Variants in RSPH14 observed in about 807,000 individuals in gnomAD.
The protein encoded by RSPH14 is rhabdoid tumor deletion region gene 1.
Under a neutral mutation model 26.7 loss-of-function variants are expected in RSPH14, and 20 were observed. The ratio of observed to expected loss-of-function variants is 0.75; its 90% CI spans 0.53 to 1.09. RSPH14 has a LOEUF of 1.09. RSPH14 is among the 50% of genes least tolerant of loss of function. The pLI, the probability that RSPH14 is intolerant of heterozygous loss-of-function variation, is 0.00. For synonymous variants in RSPH14, 177 were observed against 189.3 expected (o/e 0.93, Z 0.53); for missense variants, 449 against 457.2 (o/e 0.98, Z 0.16).
At chr22:23,149,578 C>CA (rs1175546396), upstream of RSPH14, among the ~76,000 whole-genome samples, 6 of 152,232 alleles carry the variant, frequency 3.9e-5, no homozygotes, top group Non-Finnish European at 7.3e-5. Flanking sequence ...CACTCTGTCA[C>CA]CCAAGTTGGA....
At chr22:23,161,128 T>G in the RSPH14 span, 4 of 1,165,422 alleles carry the variant, frequency 3.4e-6, no homozygotes, top group Admixed American at 1.1e-4. Context: ...TTGACCCTCC[T>G]CTCAGGGTGT....
At chr22:23,117,307 C>T (rs944443695) in intron 4 of RSPH14, among the ~76,000 whole-genome samples, 1 of 152,156 alleles carries the variant, frequency 6.6e-6, no homozygotes, top group East Asian at 1.9e-4. Context: ...TGGCTGCAGG[C>T]GGGATGGAAA....
At chr22:23,136,144 T>A in intron 3 of RSPH14, 1 of 651,940 alleles carries the variant, frequency 1.5e-6, no homozygotes, top group Non-Finnish European at 2.8e-6. Context: ...ATGTCTCTCA[T>A]GCTTTGATAG....
At chr22:23,165,531 C>T in the RSPH14 span, among the ~76,000 whole-genome samples, 132 of 152,328 alleles carry the variant, frequency 8.7e-4, 1 homozygote, top group African/African-American at 3.1e-3. Context: ...CACTTCATGC[C>T]AGCTAGAGAG....
intron 4 of RSPH14, among the ~76,000 whole-genome samples, chr22:23,104,293 C>T (rs936107762): frequency 3.3e-5 from 5 of 152,148 alleles, no homozygotes; most frequent in African/African-American, 1.2e-4. Flanking sequence ...GGGTGGGTGT[C>T]GCTGCCTGAG....
At chr22:23,146,911 T>A (rs2070809858), upstream of RSPH14, among the ~76,000 whole-genome samples, 1 of 152,142 alleles carries the variant, frequency 6.6e-6, no homozygotes, top group South Asian at 2.1e-4. Context: ...AGGGCTGGGA[T>A]TTTGCAGCCA....
At chr22:23,109,287 G>A (rs549949518) in intron 4 of RSPH14, among the ~76,000 whole-genome samples, 70 of 150,624 alleles carry the variant, frequency 4.6e-4, no homozygotes, top group African/African-American at 1.3e-3. Flanking sequence ...CCAAAGCCAC[G>A]GAGCCAGCCC....
In RSPH14 at chr22:23,136,152, T is replaced by G. The variant is rs933636115; in HGVS notation, c.303-2008A>C. 5 of 657,730 alleles carry G rather than the reference T, an allele frequency of 7.6e-6. No individual in the cohort carries two copies. In the African/African-American group the frequency reaches 9.0e-5, roughly 12 times the overall value. The allele number at this position is 657,730 out of a possible 1,614,324, so 40.7% of individuals were successfully genotyped here. A position where few individuals can be genotyped will look rare whatever the true frequency, so the allele number is the denominator to read the frequency against. ...CCACTCCATGTCTCTCATGCTTTGA[T>G]AGTCAGTTGTGTTTGCCTGTGTGCC... On this transcript the variant is annotated intron_variant, in intron 3 of 6. Coordinates refer to ENST00000216036, the MANE Select transcript of RSPH14 (RefSeq NM_014433.3).
At chr22:23,151,673 G>A in the RSPH14 span, among the ~76,000 whole-genome samples, 3 of 152,194 alleles carry the variant, frequency 2.0e-5, no homozygotes, top group Non-Finnish European at 4.4e-5. Context: ...CTCGAGCCAA[G>A]GAGTTTGAGA....
chr22:23,131,825 C>T (rs947645163), intron 4 of RSPH14: 24 of 427,414 alleles, frequency 5.6e-5, no homozygotes, highest in Admixed American at 3.6e-4. Context: ...AGGGCCCCAC[C>T]CCCAGAGACT....
intron 4 of RSPH14, among the ~76,000 whole-genome samples, chr22:23,107,460 G>A (rs1601814418): frequency 2.0e-5 from 3 of 152,302 alleles, no homozygotes; most frequent in Admixed American, 2.0e-4. Context: ...TGAAAACCCA[G>A]GGCCTGAGAG....
intron 4 of RSPH14, among the ~76,000 whole-genome samples, chr22:23,087,441 TTAAAA>T (rs1215689619): frequency 2.0e-5 from 3 of 151,958 alleles, no homozygotes; most frequent in African/African-American, 4.8e-5. Flanking sequence ...TGGGTGACAG[TTAAAA>T]TAAGATAAAA....
At chr22:23,125,979 C>T (rs575811029) in intron 4 of RSPH14, among the ~76,000 whole-genome samples, 6 of 152,170 alleles carry the variant, frequency 3.9e-5, no homozygotes, top group African/African-American at 1.2e-4. Flanking sequence ...GGTGCTGTCA[C>T]CGCCCCATCC....
chr22:23,081,150 G>A (rs143414442), intron 4 of RSPH14, among the ~76,000 whole-genome samples: 133 of 152,312 alleles, frequency 8.7e-4, no homozygotes, highest in African/African-American at 3.0e-3. Context: ...GGTTTGGTGT[G>A]GGCAAGCCAA....
intron 4 of RSPH14, among the ~76,000 whole-genome samples, chr22:23,070,974 G>GC (rs1277607955): frequency 6.6e-6 from 1 of 152,120 alleles, no homozygotes; most frequent in Non-Finnish European, 1.5e-5. Flanking sequence ...GTCTCCCTAG[G>GC]GGGAGGATCA....
chr22:23,141,774 G>C (rs1418493133), intron 1 of RSPH14, among the ~76,000 whole-genome samples, 175 bp downstream of exon 1: 2 of 152,244 alleles, frequency 1.3e-5, no homozygotes, highest in African/African-American at 4.8e-5. Context: ...TCACAGGAAC[G>C]GTGGGTGCTG....
the RSPH14 span, chr22:23,156,083 T>C: frequency 6.6e-7 from 1 of 1,521,970 alleles, no homozygotes; most frequent in South Asian, 1.2e-5. Context: ...GCGGGGTCCC[T>C]GCCGGGCTCC....
At chr22:23,161,675 G>A in the RSPH14 span, 1 of 967,734 alleles carries the variant, frequency 1.0e-6, no homozygotes, top group Non-Finnish European at 1.5e-6. Context: ...CCCTCAAGCT[G>A]TAGGCCCATG....
At chr22:23,077,410 A>G (rs905232389) in intron 4 of RSPH14, among the ~76,000 whole-genome samples, 8 of 152,216 alleles carry the variant, frequency 5.3e-5, no homozygotes, top group African/African-American at 1.9e-4. Flanking sequence ...TGAAGAATGA[A>G]TAAGTGAATG....
Sources: gnomAD v4.1 joint callset for allele counts (sites outside exome capture counted in the v4.1 genomes callset) on GRCh38, gnomAD v4.1.1 for gene constraint, MANE v1.5 for transcripts, NCBI Gene and HGNC (gene_info 2026-07-23, HGNC 2026-07-21) for gene names.